TLE2: variants seen among roughly 807,000 people sequenced by gnomAD.
TLE2 encodes the protein TLE family member 2, transcriptional corepressor.
In TLE2, 74 loss-of-function variants were observed where a neutral mutation model predicts 97.2. That is an observed-to-expected ratio of 0.76 (90% confidence interval 0.63 to 0.92). The LOEUF (loss-of-function observed/expected upper bound fraction) is 0.92, where lower values mean the gene tolerates loss of function less well. TLE2 is among the 40% of genes least tolerant of loss of function. The probability of loss-of-function intolerance (pLI) is 0.00; values close to 1 mark genes in which losing one functional copy is unlikely to be tolerated. For synonymous variants in TLE2, 499 were observed against 432.1 expected, an observed-to-expected ratio of 1.15 and a Z score of -1.92; for missense variants, 1,038 against 1,008.7, an observed-to-expected ratio of 1.03 and a Z score of -0.39.
At chr19:3,046,933 C>T (rs1034967110), upstream of TLE2, among the ~76,000 whole-genome samples, 5 of 117,086 alleles carry the variant, frequency 4.3e-5, no homozygotes, top group African/African-American at 1.7e-4. Flanking sequence ...CCCTCCTCTG[C>T]CTCCCCCTCC....
intron 1 of TLE2, among the ~76,000 whole-genome samples, chr19:3,039,225 C>CA (rs1198237452): frequency 0.075 from 7,780 of 103,790 alleles, 384 homozygotes; most frequent in Non-Finnish European, 0.1. Flanking sequence ...TTCCCCACTC[C>CA]AAAAAAAAAA....
Position 3,025,011 on chromosome 19 carries a change from C to T in TLE2, c.294+9G>A. 6.3e-7 allele frequency: 1 copy of T among 1,586,706 alleles called. No individual in the cohort carries two copies. The highest frequency in any genetic ancestry group is 2.3e-5 in the East Asian group (1 of 43,750). ...TTCCCCTCCTCCCCCCACCCCCAGG[C>T]CCACTCACCTCCTGGGTCAGGAAGG... is the stretch of plus-strand genomic sequence containing the variant. On this transcript the variant is annotated intron_variant, in intron 5 of 19. Transcript: ENST00000262953.
At chr19:3,016,039 C>T (rs951114620) in intron 8 of TLE2, 18 of 518,278 alleles carry the variant, frequency 3.5e-5, no homozygotes, top group Non-Finnish European at 5.9e-5. Context: ...CGGGTTCAAG[C>T]GATCCTCCTG....
chr19:2,998,353 C>T (rs1237594649), intron 19 of TLE2, among the ~76,000 whole-genome samples: 1 of 151,300 alleles, frequency 6.6e-6, no homozygotes, highest in East Asian at 1.9e-4. Context: ...TCTCTGCTCA[C>T]TGCAACCTCC....
chr19:3,029,723 A>C (rs913306287), upstream of TLE2: 1 of 152,214 alleles, frequency 6.6e-6, no homozygotes, highest in Non-Finnish European at 1.5e-5. Context: ...ACTGCTTCCC[A>C]GATCATGCCG....
At chr19:3,000,228 C>G (rs1051447765) in intron 19 of TLE2, among the ~76,000 whole-genome samples, 1 of 150,494 alleles carries the variant, frequency 6.6e-6, no homozygotes, top group Non-Finnish European at 1.5e-5. Context: ...CCCACCACCA[C>G]GCCTGGCTAA....
chr19:3,037,940 G>C (rs1212423341), intron 1 of TLE2, among the ~76,000 whole-genome samples: 1 of 151,982 alleles, frequency 6.6e-6, no homozygotes, highest in Non-Finnish European at 1.5e-5. Flanking sequence ...TGGTCAACGT[G>C]GGGAAACCCC....
At chr19:3,040,556 T>C (rs10408306) in intron 1 of TLE2, among the ~76,000 whole-genome samples, 34,477 of 151,572 alleles carry the variant, frequency 0.23, 4,865 homozygotes, top group African/African-American at 0.4. Flanking sequence ...CCAGGCTGGT[T>C]TCGAACTCCT....
chr19:3,019,587 C>G lies in TLE2; in HGVS notation c.369+112G>C. The G allele has an allele frequency of 6.6e-7, 1 of 1,512,912 alleles. No homozygotes were observed. Among genetic ancestry groups the G allele is most frequent in the Non-Finnish European group, 8.9e-7 (1 of 1,125,658 alleles). 93.7% of individuals were successfully genotyped at this position (1,512,912 alleles called of 1,614,324 possible). On this transcript the variant is annotated intron_variant, in intron 6 of 19. Transcript: ENST00000262953. This position sits in a 1 kb window ranked among gnomAD's most constrained non-coding sequence, Gnocchi z 5.1. ...GCATGTGCCCCTGGGGTTCCCAGGA[C>G]CACTGGAGCCAAGGCCCACACACCA...
At chr19:3,014,046 A>C (rs1398824368) in intron 10 of TLE2, among the ~76,000 whole-genome samples, 1 of 151,006 alleles carries the variant, frequency 6.6e-6, no homozygotes, top group South Asian at 2.1e-4. Flanking sequence ...GCCCACTGCA[A>C]CCTCCGCCTC....
chr19:3,023,787 G>A (rs904886083), intron 5 of TLE2, among the ~76,000 whole-genome samples: 3 of 151,708 alleles, frequency 2.0e-5, no homozygotes, highest in Admixed American at 6.6e-5. Flanking sequence ...AGCTACTCAG[G>A]AGGCTGAGGC....
Position 3,019,162 on chromosome 19 carries a change from T to A in TLE2, c.550+121A>T. The stretch of plus-strand genomic sequence containing the variant: ...ATCCTCCCGCCTCGGCCTCCCAAAT[T>A]GTTGGGATTATAGGCATGAGCCACT... On this transcript the variant is annotated intron_variant, in intron 7 of 19. Coordinates refer to ENST00000262953, the MANE Select transcript of TLE2 (RefSeq NM_003260.5). This position sits in a 1 kb window ranked among gnomAD's most constrained non-coding sequence, Gnocchi z 5.1. 7.2e-7 allele frequency: 1 copy of A among 1,385,060 alleles called. No individual in the cohort carries two copies. Among genetic ancestry groups the A allele is most frequent in the Non-Finnish European group, 9.7e-7 (1 of 1,032,946 alleles). 85.8% of individuals were successfully genotyped at this position (1,385,060 alleles called of 1,614,324 possible).
chr19:3,007,018 C>G (rs1203204691), intron 14 of TLE2, among the ~76,000 whole-genome samples: 1 of 151,970 alleles, frequency 6.6e-6, no homozygotes, highest in Non-Finnish European at 1.5e-5. Flanking sequence ...CTCCTAACCT[C>G]AAGTGATCTG....
chr19:3,023,994 CTT>C (rs372319602), intron 5 of TLE2, among the ~76,000 whole-genome samples: 48 of 123,054 alleles, frequency 3.9e-4, no homozygotes, highest in Admixed American at 6.9e-4. Flanking sequence ...GAAGAGCTAA[CTT>C]TTTTTTTTTT....
chr19:3,001,890 C>T (rs767982714), intron 18 of TLE2, among the ~76,000 whole-genome samples: 4 of 150,086 alleles, frequency 2.7e-5, no homozygotes, highest in South Asian at 2.1e-4. Flanking sequence ...CTCCACCTCC[C>T]GGGTTCAGGC....
chr19:3,013,973 T>A (rs216272), intron 10 of TLE2, among the ~76,000 whole-genome samples, 155 bp from the exon 11 acceptor site: 42,823 of 147,998 alleles, frequency 0.29, 7,257 homozygotes, highest in African/African-American at 0.47. Context: ...CTCAGTTTAC[T>A]CATCTGTAAA....
At chr19:3,012,074 G>A (rs1038207312) in intron 11 of TLE2, among the ~76,000 whole-genome samples, 12 of 151,698 alleles carry the variant, frequency 7.9e-5, no homozygotes, top group East Asian at 1.9e-4. Context: ...GTGAAACCTC[G>A]TCTCTACTAA....
chr19:3,028,901 A>G lies in TLE2; in HGVS notation c.4T>C (p.Tyr2His). The change falls in exon 1 of 20, where the codon TAC becomes CAC. Residue 2 changes from tyrosine (Y) to histidine (H), a missense_variant. Transcript: ENST00000262953. M[Y>H]PQGRHPTPLQ... Reference sequence around the variant, plus strand: ...CTCACCGGGTGCCTTCCCTGGGGGTACATCCTGCCGATCCGAAAAGCCCCC... The same window carrying G: ...CTCACCGGGTGCCTTCCCTGGGGGTGCATCCTGCCGATCCGAAAAGCCCCC... 1 of 1,610,372 alleles carries G rather than the reference A, an allele frequency of 6.2e-7. No homozygotes were observed. The highest frequency in any genetic ancestry group is 2.2e-5 in the East Asian group (1 of 44,810).
At chr19:3,015,575 G>C in intron 9 of TLE2, 78 bp downstream of exon 9, 2 of 1,128,586 alleles carry the variant, frequency 1.8e-6, no homozygotes, top group South Asian at 1.3e-5. Flanking sequence ...GCCAGAGCTG[G>C]GCTCTGGAAG....
Sources: gnomAD v4.1 joint callset for allele counts (sites outside exome capture counted in the v4.1 genomes callset) on GRCh38, gnomAD v4.1.1 for gene constraint, Gnocchi (gnomAD v3.1) non-coding constraint, MANE v1.5 for transcripts, NCBI Gene and HGNC (gene_info 2026-07-23, HGNC 2026-07-21) for gene names.